The following ZDHHC18 variants were observed in gnomAD, a reference collection of about 807,000 sequenced individuals.
ZDHHC18 encodes the protein palmitoyltransferase ZDHHC18.
In ZDHHC18, 23 loss-of-function variants were observed where a neutral mutation model predicts 37.5. That is an observed-to-expected ratio of 0.61 (90% CI 0.44 to 0.87). The LOEUF (loss-of-function observed/expected upper bound fraction) is 0.87, where lower values mean the gene tolerates loss of function less well. Among genes scored for constraint, ZDHHC18 ranks in the 40% least tolerant of loss-of-function variants. The pLI, the probability that ZDHHC18 is intolerant of heterozygous loss-of-function variation, is 0.00. For synonymous variants in ZDHHC18, 185 were observed against 218.7 expected (o/e 0.85, Z 1.36); for missense variants, 406 against 525.6 (o/e 0.77, Z 2.22).
intron 1 of ZDHHC18, 42 bp downstream of exon 1, chr1:26,827,181 G>A (rs2081561833): frequency 1.7e-6 from 2 of 1,188,676 alleles, no homozygotes; most frequent in Non-Finnish European, 2.1e-6. Context: ...GCCCCCTGCC[G>A]CGCACCCCAC....
intron 1 of ZDHHC18, 28 bp from the exon 2 acceptor site, chr1:26,832,419 G>C: frequency 6.2e-7 from 1 of 1,613,106 alleles, no homozygotes; most frequent in Non-Finnish European, 8.5e-7. Context: ...TGGGGTGTCT[G>C]CTGATCTCTC....
At chr1:26,836,845 G>C (rs1455395361) in intron 2 of ZDHHC18, among the ~76,000 whole-genome samples, 1 of 148,618 alleles carries the variant, frequency 6.7e-6, no homozygotes, top group Admixed American at 6.7e-5. Flanking sequence ...TGGGATTACA[G>C]GCATGAGCCA....
intron 2 of ZDHHC18, among the ~76,000 whole-genome samples, chr1:26,836,572 CTTT>C (rs753110980): frequency 2.2e-5 from 3 of 139,382 alleles, no homozygotes; most frequent in Admixed American, 7.2e-5. Context: ...TTCTTTTTTT[CTTT>C]TTTTTTTTTT....
At position 26,853,874 on chromosome 1, in the gene ZDHHC18, T is replaced by G. The variant is rs1321900734; in HGVS notation, c.*31T>G. Reference sequence around the variant, plus strand: ...GCTCAGTACTTGCCACCTGCTGGCCTGTCTGACCCTCCGCACTCACCTGCC... The same window carrying G: ...GCTCAGTACTTGCCACCTGCTGGCCGGTCTGACCCTCCGCACTCACCTGCC... On this transcript the variant is annotated 3_prime_UTR_variant, in exon 8 of 8. Coordinates refer to ENST00000374142, the MANE Select transcript of ZDHHC18 (RefSeq NM_032283.3). 1.7e-5 allele frequency: 27 copies of G among 1,590,816 alleles called. No homozygotes were observed. Among genetic ancestry groups the G allele is most frequent in the Non-Finnish European group, 2.3e-5 (27 of 1,161,670 alleles).
rs768312409 is a variant in ZDHHC18 at position 26,848,693 on chromosome 1, C to T, written c.582C>T (p.Cys194=). Residue 194 remains cysteine, a synonymous_variant, in exon 3 of 8, where the codon TGC becomes TGT. Transcript: ENST00000374142. ...GGCAGATGGTGAAGCTGAAGTACTG[C>T]TTCACCTGCAAGATGTTCCGGCCAC... The part of the protein sequence containing the change: ...INGQMVKLKY[C]FTCKMFRPPR... The T allele has an allele frequency of 2.7e-5, 44 of 1,614,066 alleles. No homozygotes were observed. The highest frequency in any genetic ancestry group is 3.3e-5 in the Admixed American group (2 of 60,010).
intron 7 of ZDHHC18, 64 bp downstream of exon 7, chr1:26,852,929 C>A: frequency 6.6e-7 from 1 of 1,507,666 alleles, no homozygotes; most frequent in Non-Finnish European, 9.2e-7. Context: ...CAAAGTGTTC[C>A]TGGATATCAG....
At chr1:26,841,108 C>T (rs1464480192) in intron 2 of ZDHHC18, among the ~76,000 whole-genome samples, 1 of 152,132 alleles carries the variant, frequency 6.6e-6, no homozygotes, top group Non-Finnish European at 1.5e-5. Context: ...TCCCGAGTAG[C>T]TGGGATTACA....
In ZDHHC18 at chr1:26,850,346, G is replaced by A; in HGVS notation, c.692G>A (p.Arg231Lys). The change falls in exon 4 of 8, where the codon AGA becomes AAA. Residue 231 changes from arginine to lysine, a missense_variant. Transcript: ENST00000374142. The surrounding 1 kb of genome is among the most constrained non-coding windows in gnomAD (Gnocchi z 6.1). ...HCPWVGNCVG[R>K]RNYRFFYAFI... ...CCCTGGGTGGGCAACTGTGTGGGGA[G>A]ACGGAACTATCGCTTCTTCTACGCG... is the stretch of plus-strand genomic sequence containing the variant. 1 of 1,614,240 alleles carries A rather than the reference G, an allele frequency of 6.2e-7. No individual in the cohort carries two copies. Among genetic ancestry groups the A allele is most frequent in the East Asian group, 2.2e-5 (1 of 44,886 alleles).
intron 2 of ZDHHC18, among the ~76,000 whole-genome samples, chr1:26,844,614 G>A (rs146624666): frequency 2.6e-5 from 4 of 152,254 alleles, no homozygotes; most frequent in Non-Finnish European, 4.4e-5. Context: ...TTCAGCTTGG[G>A]TAGCTGTTGC....
intron 3 of ZDHHC18, 113 bp downstream of exon 3, chr1:26,848,870 C>T: frequency 7.0e-7 from 1 of 1,433,184 alleles, no homozygotes; most frequent in East Asian, 2.5e-5. Flanking sequence ...ATACCCAGGG[C>T]TGGGCAGGGG....
In ZDHHC18 at chr1:26,827,083, C is replaced by T. The variant is rs2124242077; in HGVS notation, c.279C>T (p.Val93=). ...TCATGCTGGCCGGCCACGGCGGCGTCTTCGCGCTCACGCTGCTGCTCATCC... is the reference window on the plus strand; with the variant it reads ...TCATGCTGGCCGGCCACGGCGGCGTTTTCGCGCTCACGCTGCTGCTCATCC... ...GRLMLAGHGG[V]FALTLLLILT... Residue 93 remains valine (V), a synonymous_variant, in exon 1 of 8, where the codon GTC becomes GTT. Coordinates refer to ENST00000374142, the MANE Select transcript of ZDHHC18 (RefSeq NM_032283.3). The T allele has an allele frequency of 2.1e-6, 3 of 1,395,400 alleles. No individual in the cohort carries two copies. Among genetic ancestry groups the T allele is most frequent in the South Asian group, 1.5e-5 (1 of 66,002 alleles). 86.4% of individuals were successfully genotyped at this position (1,395,400 alleles called of 1,614,324 possible).
intron 6 of ZDHHC18, among the ~76,000 whole-genome samples, chr1:26,852,021 A>G (rs567699673): frequency 2.6e-5 from 4 of 152,338 alleles, no homozygotes; most frequent in African/African-American, 7.2e-5. Context: ...AACAGAAAAT[A>G]CATTCCCAGA....
intron 5 of ZDHHC18, 73 bp from the exon 6 acceptor site, chr1:26,851,056 A>T (rs868805374): frequency 1.5e-5 from 21 of 1,381,596 alleles, no homozygotes; most frequent in Non-Finnish European, 2.2e-5. Flanking sequence ...CCATGGAAGG[A>T]TAGGTGAGAC....
At chr1:26,834,326 C>A (rs374853415) in intron 2 of ZDHHC18, among the ~76,000 whole-genome samples, 1 of 152,208 alleles carries the variant, frequency 6.6e-6, no homozygotes, top group Non-Finnish European at 1.5e-5. Context: ...CCAGTGAGGG[C>A]GACCCTGTTA....
chr1:26,852,873 A>T lies in ZDHHC18; in HGVS notation c.1049+8A>T. The T allele has an allele frequency of 6.2e-7, 1 of 1,613,342 alleles. No individual in the cohort carries two copies. Among genetic ancestry groups the T allele is most frequent in the South Asian group, 1.1e-5 (1 of 91,076 alleles). On this transcript the variant is annotated splice_region_variant and intron_variant, in intron 7 of 7. Coordinates refer to ENST00000374142, the MANE Select transcript of ZDHHC18 (RefSeq NM_032283.3). ...TGGCCCCCTACCTCCCAGGTAAGTG[A>T]GCGGGGTGCGGAAGAGGGGTAACAG...
chr1:26,830,923 C>A (rs1223147726), intron 1 of ZDHHC18, among the ~76,000 whole-genome samples: 1 of 152,150 alleles, frequency 6.6e-6, no homozygotes, highest in African/African-American at 2.4e-5. Flanking sequence ...GCTGGGATTA[C>A]AGGCACATGC....
At chr1:26,837,817 A>G (rs2081620376) in intron 2 of ZDHHC18, among the ~76,000 whole-genome samples, 1 of 151,668 alleles carries the variant, frequency 6.6e-6, no homozygotes, top group Non-Finnish European at 1.5e-5. Flanking sequence ...CATGAGATTA[A>G]GGCAAGCTGC....
intron 2 of ZDHHC18, among the ~76,000 whole-genome samples, chr1:26,846,986 C>T (rs942053743): frequency 7.2e-5 from 11 of 151,886 alleles, no homozygotes; most frequent in Non-Finnish European, 1.6e-4. Context: ...AGCTCCGCCT[C>T]CCGGGTTCAA....
Position 26,850,319 on chromosome 1 carries a change from G to A in ZDHHC18, c.665G>A (p.Cys222Tyr). Residue 222 changes from cysteine (C) to tyrosine (Y), a missense_variant, in exon 4 of 8, where the codon TGC becomes TAC. Transcript: ENST00000374142. This position sits in a 1 kb window ranked among gnomAD's most constrained non-coding sequence, Gnocchi z 6.1. The stretch of plus-strand genomic sequence containing the variant: ...TGTCCAGAACGATTTGACCATCACT[G>A]CCCCTGGGTGGGCAACTGTGTGGGG... Reference protein sequence around the residue: ...DNCVERFDHHCPWVGNCVGRR... With the variant: ...DNCVERFDHHYPWVGNCVGRR... 6.2e-7 allele frequency: 1 copy of A among 1,614,232 alleles called. No individual in the cohort carries two copies. The highest frequency in any genetic ancestry group is 8.5e-7 in the Non-Finnish European group (1 of 1,180,036).
Sources: gnomAD v4.1 joint callset for allele counts (sites outside exome capture counted in the v4.1 genomes callset) on GRCh38, gnomAD v4.1.1 for gene constraint, Gnocchi (gnomAD v3.1) non-coding constraint, MANE v1.5 for transcripts, NCBI Gene and HGNC (gene_info 2026-07-23, HGNC 2026-07-21) for gene names.